Variants in DNAH2 observed in about 807,000 individuals in gnomAD.
DNAH2 encodes dynein axonemal heavy chain 2.
A neutral mutation model predicts 523.5 loss-of-function variants in DNAH2; 323 were observed. The ratio of observed to expected loss-of-function variants is 0.62; its 90% CI spans 0.56 to 0.68. The LOEUF is 0.68. DNAH2 is among the 30% of genes least tolerant of loss of function. The pLI is 0.00. For synonymous variants in DNAH2, 2,093 were observed against 2,177.4 expected, an observed-to-expected ratio of 0.96 and a Z score of 1.08; for missense variants, 4,907 against 5,701.5, an observed-to-expected ratio of 0.86 and a Z score of 4.49.
intron 77 of DNAH2, among the ~76,000 whole-genome samples, chr17:7,829,777 C>T (rs948248936): frequency 6.6e-6 from 1 of 151,900 alleles, no homozygotes; most frequent in Non-Finnish European, 1.5e-5. Context: ...GTAATCCCAG[C>T]ACTTTGGGAG....
At position 7,799,230 on chromosome 17, in the gene DNAH2, G is replaced by A; in HGVS notation, c.8687G>A (p.Gly2896Glu). Residue 2896 changes from glycine to glutamate, a missense_variant, in exon 56 of 86, where the codon GGG becomes GAG. By Grantham distance (98) the Gly-to-Glu change is moderately conservative. Coordinates refer to ENST00000572933, the MANE Select transcript of DNAH2 (RefSeq NM_020877.5). ...LHIVLCLSPM[G>E]DPFRNWIRQY... ...ATCGTGCTCTGCCTCAGCCCCATGG[G>A]GGATCCCTTCAGGTGACTTCTGTGA... The A allele has an allele frequency of 6.2e-7, 1 of 1,614,164 alleles. No homozygotes were observed. The highest frequency in any genetic ancestry group is 8.5e-7 in the Non-Finnish European group (1 of 1,180,026).
rs950918002 is a variant in DNAH2, at chr17:7,833,611, G to A, written c.*78G>A. The stretch of plus-strand genomic sequence containing the variant: ...AGACAGATGTTGCACCTAGGACTGA[G>A]GCCGGACCTCACTCAGACTTTGACC... On this transcript the variant is annotated 3_prime_UTR_variant, in exon 86 of 86. Coordinates refer to ENST00000572933, the MANE Select transcript of DNAH2 (RefSeq NM_020877.5). 126 of 1,590,100 alleles carry A rather than the reference G, an allele frequency of 7.9e-5. No homozygotes were observed. Among genetic ancestry groups the A allele is most frequent in the Non-Finnish European group, 1.1e-4 (124 of 1,171,760 alleles).
rs1489033369 is a variant in DNAH2 at position 7,818,341 on chromosome 17, A to C, written c.10417A>C (p.Lys3473Gln). 6 of 1,614,148 alleles carry C rather than the reference A, an allele frequency of 3.7e-6. No homozygotes were observed. The African/African-American group carries it at 6.7e-5, about 18-fold the overall frequency. The change falls in exon 69 of 86, where the codon AAG becomes CAG. Residue 3473 changes from lysine to glutamine, a missense_variant. Transcript: ENST00000572933. ...TCGGCTGTTGATGCGCATTGGCGAT[A>C]AGGAGGTGGAATATAATACCAATTT... ...GGRLLMRIGD[K>Q]EVEYNTNFRF...
chr17:7,803,575 CG>C, intron 58 of DNAH2, among the ~76,000 whole-genome samples: 1 of 151,886 alleles, frequency 6.6e-6, no homozygotes, highest in Middle Eastern at 3.4e-3. Flanking sequence ...GAGGCTGAGG[CG>C]GGAGAATCAT....
In DNAH2 at chr17:7,833,470, G is replaced by A. The variant is rs1381921677; in HGVS notation, c.13221G>A (p.Gly4407=). The change falls in exon 86 of 86, where the codon GGG becomes GGA. Residue 4407 remains glycine, a synonymous_variant. Coordinates refer to ENST00000572933, the MANE Select transcript of DNAH2 (RefSeq NM_020877.5). The stretch of plus-strand genomic sequence containing the variant: ...TCATCGGCATTGACCTGCGGTCTGG[G>A]GCCATGACACCTGATCATTGGATCA... The part of the protein sequence containing the change: ...SFVIGIDLRS[G]AMTPDHWIKR... 6.2e-6 allele frequency: 10 copies of A among 1,614,110 alleles called. No homozygotes were observed. Among genetic ancestry groups the A allele is most frequent in the Admixed American group, 3.3e-5 (2 of 60,016 alleles).
At position 7,719,768 on chromosome 17, in the gene DNAH2, A is replaced by G; in HGVS notation, c.34A>G (p.Ser12Gly). 1.2e-6 allele frequency: 2 copies of G among 1,614,202 alleles called. No individual in the cohort carries two copies. Among genetic ancestry groups the G allele is most frequent in the Non-Finnish European group, 1.7e-6 (2 of 1,180,042 alleles). The change falls in exon 2 of 86, where the codon AGT becomes GGT. Residue 12 changes from serine (S) to glycine (G), a missense_variant. Physicochemically the swap from Ser to Gly is moderately conservative, Grantham distance 56. Transcript: ENST00000572933. ...CAAAGCTGAGAAGAAGCAGCGATTG[A>G]GTGGCCGAGGAAGCTCCCAGGCAAG... ...SSKAEKKQRL[S>G]GRGSSQASWS...
intron 7 of DNAH2, among the ~76,000 whole-genome samples, 192 bp downstream of exon 7, chr17:7,734,900 A>G (rs2075098014): frequency 6.6e-6 from 1 of 151,828 alleles, no homozygotes; most frequent in African/African-American, 2.4e-5. Context: ...GAGAGACATC[A>G]AGTTAACCAA....
intron 19 of DNAH2, 24 bp from the exon 20 acceptor site, chr17:7,764,093 A>G: frequency 6.2e-7 from 1 of 1,614,198 alleles, no homozygotes; most frequent in Non-Finnish European, 8.5e-7. Flanking sequence ...TCCACTCACT[A>G]GCACTCCCTT....
At position 7,833,507 on chromosome 17, in the gene DNAH2, G is replaced by A; in HGVS notation, c.13258G>A (p.Ala4420Thr). ...TPDHWIKRGTALLMSLDS is the reference protein window; with the variant it reads ...TPDHWIKRGTTLLMSLDS Reference sequence around the variant, plus strand: ...TGATCATTGGATCAAGAGGGGCACTGCTCTACTCATGAGCCTGGACAGCTG... The same window carrying A: ...TGATCATTGGATCAAGAGGGGCACTACTCTACTCATGAGCCTGGACAGCTG... The change falls in exon 86 of 86, where the codon GCT becomes ACT. Residue 4420 changes from alanine to threonine, a missense_variant. By Grantham distance (58) the Ala-to-Thr change is moderately conservative. Around this residue, in one of 3 missense-constraint regions of DNAH2, gnomAD observed 1,851 missense variants for 2,139.4 expected, o/e 0.87. Transcript: ENST00000572933. The A allele has an allele frequency of 6.2e-7, 1 of 1,614,062 alleles. No individual in the cohort carries two copies. The highest frequency in any genetic ancestry group is 8.5e-7 in the Non-Finnish European group (1 of 1,180,038).
In DNAH2 at chr17:7,830,460, TC is replaced by T; in HGVS notation, c.12015del (p.Ile4006SerfsTer16). Reference protein sequence around the residue: ...RKKFLQLGWNIIYGFNDSDFE... With the variant: ...RKKFLQLGWNXIYGFNDSDFE... ...AAGTTCCTGCAGCTTGGCTGGAACA[TC>T]ATCTATGGCTTCAATGACTCCGACT... On this transcript the variant is annotated frameshift_variant, in exon 78 of 86. Coordinates refer to ENST00000572933, the MANE Select transcript of DNAH2 (RefSeq NM_020877.5). LOFTEE classifies it high-confidence loss of function. 1 of 1,614,204 alleles carries T rather than the reference TC, an allele frequency of 6.2e-7. No individual in the cohort carries two copies. The highest frequency in any genetic ancestry group is 8.5e-7 in the Non-Finnish European group (1 of 1,180,044).
chr17:7,740,921 T>C lies in DNAH2; in HGVS notation c.1618T>C (p.Tyr540His). ...CAAGAAATGGCCAGACCTGGAGCCCTACGTGGCCCAGTATTCCGGAAAGGC... is the reference window on the plus strand; with the variant it reads ...CAAGAAATGGCCAGACCTGGAGCCCCACGTGGCCCAGTATTCCGGAAAGGC... The part of the protein sequence containing the change: ...RNKKWPDLEP[Y>H]VAQYSGKARW... Residue 540 changes from tyrosine to histidine, a missense_variant, in exon 11 of 86, where the codon TAC becomes CAC. Physicochemically the swap from Tyr to His is moderately conservative, Grantham distance 83 (BLOSUM62 2). Transcript: ENST00000572933. 6.2e-7 allele frequency: 1 copy of C among 1,613,738 alleles called. No homozygotes were observed. The highest frequency in any genetic ancestry group is 1.3e-5 in the African/African-American group (1 of 75,062).
rs374328836 is a variant in DNAH2, at chr17:7,719,904, G to A, written c.166+4G>A. 42 of 1,518,882 alleles carry A rather than the reference G, an allele frequency of 2.8e-5. No individual in the cohort carries two copies. The Middle Eastern group carries it at 1.3e-3, about 48-fold the overall frequency. The allele number at this position is 1,518,882 out of a possible 1,614,324, so 94.1% of individuals were successfully genotyped here. A position where few individuals can be genotyped will look rare whatever the true frequency, so the allele number is the denominator to read the frequency against. On this transcript the variant is annotated splice_donor_region_variant and intron_variant, in intron 2 of 85. Transcript: ENST00000572933. ...GAGCTCCCCAAGGAGGAGCCTGGTGGGTACTTGCTGGGGCAGAGGATGCTT... is the reference window on the plus strand; with the variant it reads ...GAGCTCCCCAAGGAGGAGCCTGGTGAGTACTTGCTGGGGCAGAGGATGCTT...
At chr17:7,806,866 T>G (rs1046998400) in intron 61 of DNAH2, among the ~76,000 whole-genome samples, 1 of 151,722 alleles carries the variant, frequency 6.6e-6, no homozygotes, top group Non-Finnish European at 1.5e-5. Context: ...TAGAAGAAAG[T>G]GCAAAGCAGA....
intron 58 of DNAH2, 88 bp from the exon 59 acceptor site, chr17:7,804,168 C>CGAGACACA: frequency 1.4e-6 from 2 of 1,383,778 alleles, no homozygotes; most frequent in Non-Finnish European, 2.0e-6. Context: ...AAGGCGGACT[C>CGAGACACA]GAGACACACG....
At chr17:7,734,059 C>A (rs976282716) in intron 5 of DNAH2, 124 bp from the exon 6 acceptor site, 3 of 786,306 alleles carry the variant, frequency 3.8e-6, no homozygotes, top group Non-Finnish European at 6.0e-6. Flanking sequence ...GTCACCATTT[C>A]TTCTACCTGC....
In DNAH2 at chr17:7,718,772, C is replaced by T. The variant is rs2074499795; in HGVS notation, c.-42C>T. The stretch of plus-strand genomic sequence containing the variant: ...GTACACACAAAACAGTGTTCCTGCC[C>T]CTCAGGACTTCAAAGCGATAGACCC... On this transcript the variant is annotated 5_prime_UTR_variant, in exon 1 of 86. Coordinates refer to ENST00000572933, the MANE Select transcript of DNAH2 (RefSeq NM_020877.5). The T allele has an allele frequency of 6.5e-6, 1 of 152,772 alleles. No homozygotes were observed. Among genetic ancestry groups the T allele is most frequent in the South Asian group, 2.1e-4 (1 of 4,828 alleles). The allele number at this position is 152,772 out of a possible 1,614,324, so 9.5% of individuals were successfully genotyped here. A position where few individuals can be genotyped will look rare whatever the true frequency, so the allele number is the denominator to read the frequency against.
In DNAH2 at chr17:7,760,396, A is replaced by T. The variant is rs1597565589; in HGVS notation, c.2786-344A>T. On this transcript the variant is annotated intron_variant, in intron 17 of 85. Transcript: ENST00000572933. This position sits in a 1 kb window ranked among gnomAD's most constrained non-coding sequence, Gnocchi z 4.0. Reference sequence around the variant, plus strand: ...CAAAAACAGGGGGGCCAGACTGGGGAAGGGAGCAGGGGCTTGGATGGGGGT... The same window carrying T: ...CAAAAACAGGGGGGCCAGACTGGGGTAGGGAGCAGGGGCTTGGATGGGGGT... Among the ~76,000 whole-genome samples the T allele has an allele frequency of 6.7e-6, 1 of 149,096 alleles. No homozygotes were observed. Among genetic ancestry groups the T allele is most frequent in the South Asian group, 2.1e-4 (1 of 4,730 alleles).
In DNAH2 at chr17:7,805,296, T is replaced by C; in HGVS notation, c.9345T>C (p.Ser3115=). 1 of 1,614,226 alleles carries C rather than the reference T, an allele frequency of 6.2e-7. No individual in the cohort carries two copies. Among genetic ancestry groups the C allele is most frequent in the Non-Finnish European group, 8.5e-7 (1 of 1,180,040 alleles). The change falls in exon 61 of 86, where the codon TCT becomes TCC. Residue 3115 remains serine (S), a synonymous_variant. Transcript: ENST00000572933. ...AGAAGGATATAGGAGAGATCAAGTC[T>C]TATGGACGGCCCCCAGCCCAAGTGG... is the stretch of plus-strand genomic sequence containing the variant. The part of the protein sequence containing the change: ...LNKKDIGEIK[S]YGRPPAQVEI...
intron 11 of DNAH2, among the ~76,000 whole-genome samples, chr17:7,741,882 C>T (rs907225954): frequency 6.6e-6 from 1 of 150,840 alleles, no homozygotes; most frequent in Non-Finnish European, 1.5e-5. Flanking sequence ...AGGCTGGTCT[C>T]GAACTCCCGA....
Sources: gnomAD v4.1 joint callset for allele counts (sites outside exome capture counted in the v4.1 genomes callset) on GRCh38, gnomAD v4.1.1 for gene constraint, gnomAD v4.1.1 regional missense constraint, Gnocchi (gnomAD v3.1) non-coding constraint, MANE v1.5 for transcripts, NCBI Gene and HGNC (gene_info 2026-07-23, HGNC 2026-07-21) for gene names.